The following SLC6A12 variants were observed in gnomAD, a reference collection of about 807,000 sequenced individuals.
SLC6A12 encodes the protein sodium- and chloride-dependent betaine transporter.
In SLC6A12, 50 loss-of-function variants were observed where a neutral mutation model predicts 73.3. The ratio of observed to expected loss-of-function variants is 0.68; its 90% CI spans 0.54 to 0.86. The LOEUF is 0.86. Among genes scored for constraint, SLC6A12 ranks in the 40% least tolerant of loss-of-function variants. The pLI is 0.00. For missense variants in SLC6A12, 648 were observed against 772.8 expected (o/e 0.84, Z 1.92); for synonymous variants, 304 against 309.2 (o/e 0.98, Z 0.18).
chr12:186,998 C>T (rs2137090736), downstream of SLC6A12, among the ~76,000 whole-genome samples: 1 of 152,312 alleles, frequency 6.6e-6, no homozygotes. Flanking sequence ...AAAGTTCTCA[C>T]TTTCTCCGCT....
intron 10 of SLC6A12, among the ~76,000 whole-genome samples, chr12:197,174 C>CATCTATCCATCT (rs1565469145): frequency 1.7e-3 from 20 of 12,068 alleles, no homozygotes; most frequent in South Asian, 3.1e-3. Context: ...TCCATCCATC[C>CATCTATCCATCT]ATCCATCCAT....
chr12:185,648 CCT>C (rs1363179594), downstream of SLC6A12, among the ~76,000 whole-genome samples: 3 of 152,284 alleles, frequency 2.0e-5, no homozygotes, highest in East Asian at 1.9e-4. Context: ...AGCAAGCTCC[CCT>C]CTCTGTCTGT....
At chr12:209,726 G>T (rs377555599) in intron 3 of SLC6A12, 47 bp downstream of exon 3, 1 of 1,608,428 alleles carries the variant, frequency 6.2e-7, no homozygotes, top group Non-Finnish European at 8.5e-7. Flanking sequence ...CTGCCCAGCT[G>T]CCAGCACACA....
intron 15 of SLC6A12, 135 bp from the exon 16 acceptor site, chr12:191,346 T>G (rs1006620974): frequency 2.1e-5 from 14 of 675,220 alleles, no homozygotes; most frequent in African/African-American, 5.6e-5. Flanking sequence ...AGTCAATGAA[T>G]GAACCGTTTG....
chr12:188,103 G>A (rs1939468386), downstream of SLC6A12, among the ~76,000 whole-genome samples: 1 of 152,242 alleles, frequency 6.6e-6, no homozygotes, highest in Non-Finnish European at 1.5e-5. Flanking sequence ...CTCCCAGTCC[G>A]GTTCCGTGCG....
At chr12:187,589 CAAAAAAAAAAAAAAAA>C (rs761187495), downstream of SLC6A12, among the ~76,000 whole-genome samples, 351 of 105,922 alleles carry the variant, frequency 3.3e-3, no homozygotes, top group Middle Eastern at 9.0e-3. Context: ...TGCAAAAGAG[CAAAAAAAAAAAAAAAA>C]AAAAAAAAAA....
intron 13 of SLC6A12, among the ~76,000 whole-genome samples, chr12:194,674 A>C (rs1939779327): frequency 6.6e-6 from 1 of 152,162 alleles, no homozygotes; most frequent in Admixed American, 6.5e-5. Flanking sequence ...TGCAGCATTC[A>C]GTATGGTAGC....
chr12:202,032 G>A (rs1284093728), intron 5 of SLC6A12, among the ~76,000 whole-genome samples, 183 bp from the exon 6 acceptor site: 3 of 152,168 alleles, frequency 2.0e-5, no homozygotes, highest in Non-Finnish European at 4.4e-5. Flanking sequence ...CCCTGCTCTT[G>A]TTCCCTGTGA....
Position 191,190 on chromosome 12 carries a change from GGGTGATGA to G in SLC6A12, c.1715_1722del (p.Leu572ProfsTer2). ...TTGGGCTGTGGCAGACTGGAGTCAG[GGGTGATGA>G]GCTGACGCAGACGCTGTGGAGAGAA... is the stretch of plus-strand genomic sequence containing the variant. On this transcript the variant is annotated frameshift_variant, in exon 16 of 16. Transcript: ENST00000684302. LOFTEE classifies it low-confidence loss of function (END_TRUNC). 1 of 1,291,062 alleles carries G rather than the reference GGGTGATGA, an allele frequency of 7.7e-7. No homozygotes were observed. Among genetic ancestry groups the G allele is most frequent in the Non-Finnish European group, 9.9e-7 (1 of 1,008,372 alleles). The allele number at this position is 1,291,062 out of a possible 1,614,324, so 80.0% of individuals were successfully genotyped here.
intron 1 of SLC6A12, among the ~76,000 whole-genome samples, 170 bp from the exon 2 acceptor site, chr12:212,280 A>G (rs1940933936): frequency 6.6e-6 from 1 of 152,162 alleles, no homozygotes; most frequent in African/African-American, 2.4e-5. Context: ...GTCAGAAATG[A>G]GCCTTACTGT....
chr12:193,490 G>A, intron 13 of SLC6A12, 113 bp from the exon 14 acceptor site: 1 of 728,158 alleles, frequency 1.4e-6, no homozygotes, highest in Non-Finnish European at 2.3e-6. Context: ...GCCCTGTGCA[G>A]GGAAACTGGA....
downstream of SLC6A12, among the ~76,000 whole-genome samples, chr12:187,917 G>A (rs1419632370): frequency 6.6e-6 from 1 of 152,154 alleles, no homozygotes; most frequent in Non-Finnish European, 1.5e-5. Flanking sequence ...CAAACCCTGA[G>A]CTAGACACAG....
intron 3 of SLC6A12, among the ~76,000 whole-genome samples, chr12:206,982 C>A (rs947001368): frequency 7.9e-5 from 12 of 152,394 alleles, no homozygotes; most frequent in African/African-American, 2.9e-4. Flanking sequence ...GACGGGGTGA[C>A]TTCAGGAGGC....
At chr12:204,876 A>G (rs1446331133) in intron 3 of SLC6A12, 178 bp from the exon 4 acceptor site, 1 of 640,238 alleles carries the variant, frequency 1.6e-6, no homozygotes, top group Non-Finnish European at 2.7e-6. Flanking sequence ...AGGCAGGCAC[A>G]GGTGGGAATG....
chr12:196,712 A>G (rs1431592515), intron 11 of SLC6A12, 58 bp downstream of exon 11: 3 of 1,233,082 alleles, frequency 2.4e-6, no homozygotes, highest in African/African-American at 1.5e-5. Flanking sequence ...GTCCCAGGAC[A>G]AGCAAAGGCT....
At chr12:204,464 C>T (rs970472363) in intron 4 of SLC6A12, 100 bp downstream of exon 4, 19 of 1,172,706 alleles carry the variant, frequency 1.6e-5, no homozygotes, top group African/African-American at 7.5e-5. Flanking sequence ...TGGGAGTGAG[C>T]GGATGGGTGA....
intron 2 of SLC6A12, among the ~76,000 whole-genome samples, chr12:211,743 G>A (rs1397355228): frequency 1.3e-5 from 2 of 152,188 alleles, no homozygotes; most frequent in African/African-American, 4.8e-5. Flanking sequence ...GAGCGAGCTT[G>A]AAAACACGCA....
chr12:185,705 C>T (rs1247277867), downstream of SLC6A12, among the ~76,000 whole-genome samples: 3 of 152,226 alleles, frequency 2.0e-5, no homozygotes, highest in African/African-American at 7.2e-5. Context: ...ACTTCCCAGT[C>T]ACGTGCCAGC....
chr12:211,844 G>A (rs1341321047), intron 2 of SLC6A12, among the ~76,000 whole-genome samples, 182 bp downstream of exon 2: 2 of 152,186 alleles, frequency 1.3e-5, no homozygotes, highest in Non-Finnish European at 2.9e-5. Flanking sequence ...TCAGCAGTAT[G>A]TTAAAGACAG....
Sources: gnomAD v4.1 joint callset for allele counts (sites outside exome capture counted in the v4.1 genomes callset) on GRCh38, gnomAD v4.1.1 for gene constraint, MANE v1.5 for transcripts, NCBI Gene and HGNC (gene_info 2026-07-23, HGNC 2026-07-21) for gene names.